SEMA3A: variants seen among roughly 807,000 people sequenced by gnomAD.
SEMA3A encodes semaphorin 3A.
In SEMA3A, 29 loss-of-function variants were observed where a neutral mutation model predicts 97.9. The observed-to-expected ratio is 0.30, with a 90% CI of 0.22 to 0.40. The LOEUF is 0.40. SEMA3A is among the 10% of genes least tolerant of loss of function. The probability of loss-of-function intolerance (pLI) is 1.00; values close to 1 mark genes in which losing one functional copy is unlikely to be tolerated. For synonymous variants in SEMA3A, 321 were observed against 323.7 expected (o/e 0.99, Z 0.09); for missense variants, 763 against 951.3 (o/e 0.80, Z 2.60).
intron 3 of SEMA3A, among the ~76,000 whole-genome samples, chr7:84,251,454 C>A (rs1799607366): frequency 6.6e-6 from 1 of 152,144 alleles, no homozygotes; most frequent in Non-Finnish European, 1.5e-5. Flanking sequence ...CTAACTCCAG[C>A]ATAAGCAGCA....
intron 2 of SEMA3A, among the ~76,000 whole-genome samples, chr7:84,353,426 C>T (rs1222613780): frequency 6.6e-6 from 1 of 151,434 alleles, no homozygotes; most frequent in East Asian, 1.9e-4. Flanking sequence ...TTTAATGTTT[C>T]TCAGAATATC....
At chr7:84,348,273 G>T (rs1283800775) in intron 2 of SEMA3A, among the ~76,000 whole-genome samples, 1 of 152,088 alleles carries the variant, frequency 6.6e-6, no homozygotes, top group African/African-American at 2.4e-5. Context: ...TGTTTAAGTA[G>T]AAATAATATA....
At chr7:84,218,657 T>G (rs1222049088) in intron 3 of SEMA3A, among the ~76,000 whole-genome samples, 1 of 152,142 alleles carries the variant, frequency 6.6e-6, no homozygotes, top group East Asian at 1.9e-4. Flanking sequence ...TGACATTTTT[T>G]CTTAAAAATA....
chr7:84,094,957 T>C (rs1304583176), intron 4 of SEMA3A, among the ~76,000 whole-genome samples: 3 of 151,696 alleles, frequency 2.0e-5, no homozygotes, highest in African/African-American at 7.3e-5. Context: ...CAGTCTAACA[T>C]TAATTATATT....
chr7:84,231,088 C>T (rs184224120), intron 3 of SEMA3A, among the ~76,000 whole-genome samples: 1 of 152,054 alleles, frequency 6.6e-6, no homozygotes, highest in African/African-American at 2.4e-5. Flanking sequence ...TGCTTCTTCC[C>T]TGGGGTGATT....
chr7:84,317,026 A>ATTAG (rs1801522552), intron 2 of SEMA3A, among the ~76,000 whole-genome samples: 2 of 152,222 alleles, frequency 1.3e-5, no homozygotes, highest in African/African-American at 4.8e-5. Context: ...ACCCATCATC[A>ATTAG]TAATAGGGCA....
chr7:84,056,917 C>A lies in SEMA3A; in HGVS notation c.547+3548G>T, dbSNP rs549060001. On this transcript the variant is annotated intron_variant, in intron 5 of 16. Transcript: ENST00000265362. ...CATATATTAAAGAATTACACAAGCA[C>A]CGAAAATAATAGTATGCTATTACAT... Among the ~76,000 whole-genome samples the A allele has an allele frequency of 7.2e-5, 11 of 152,272 alleles. No homozygotes were observed. The South Asian group carries it at 2.3e-3, about 32-fold the overall frequency.
At chr7:84,255,550 T>A (rs1799698942) in intron 3 of SEMA3A, among the ~76,000 whole-genome samples, 1 of 152,114 alleles carries the variant, frequency 6.6e-6, no homozygotes, top group Admixed American at 6.6e-5. Context: ...AAATGGATAG[T>A]CTTTGGTGAG....
chr7:84,222,151 T>A (rs983314823), intron 3 of SEMA3A, among the ~76,000 whole-genome samples: 1 of 151,974 alleles, frequency 6.6e-6, no homozygotes, highest in Non-Finnish European at 1.5e-5. Flanking sequence ...TTTTCATTGA[T>A]TATCATCTTG....
intron 2 of SEMA3A, among the ~76,000 whole-genome samples, chr7:84,131,278 C>T (rs1037860678): frequency 1.3e-5 from 2 of 151,958 alleles, no homozygotes; most frequent in African/African-American, 4.8e-5. Flanking sequence ...AGAGTAATTA[C>T]TAATGTTTTG....
At chr7:84,135,449 G>T (rs1796097536) in intron 1 of SEMA3A, among the ~76,000 whole-genome samples, 1 of 151,896 alleles carries the variant, frequency 6.6e-6, no homozygotes. Flanking sequence ...CCTATTTGCT[G>T]GTTTCATACT....
rs796521993 is a variant in SEMA3A at position 83,960,003 on chromosome 7, T to A, written c.*1368A>T. 4 of 152,168 alleles carry A rather than the reference T, an allele frequency of 2.6e-5. No individual in the cohort carries two copies. Among genetic ancestry groups the A allele is most frequent in the African/African-American group, 9.6e-5 (4 of 41,562 alleles). 9.4% of individuals were successfully genotyped at this position (152,168 alleles called of 1,614,324 possible). The stretch of plus-strand genomic sequence containing the variant: ...GGAAAATACTTTGTAGAAAAGTCCC[T>A]CCCATTGATATGAAAAGAGTCATGT... On this transcript the variant is annotated 3_prime_UTR_variant, in exon 17 of 17. Transcript: ENST00000265362.
At chr7:84,325,411 G>A (rs1801751914) in intron 2 of SEMA3A, among the ~76,000 whole-genome samples, 1 of 152,056 alleles carries the variant, frequency 6.6e-6, no homozygotes, top group Non-Finnish European at 1.5e-5. Context: ...CTCTGGAAAG[G>A]TCACATTTGA....
intron 4 of SEMA3A, among the ~76,000 whole-genome samples, chr7:84,091,965 G>T (rs545472814): frequency 4.8e-4 from 73 of 151,894 alleles, no homozygotes; most frequent in Admixed American, 9.9e-4. Context: ...TTTTATATAA[G>T]TCTACACACT....
chr7:84,091,159 G>A (rs946404279), intron 4 of SEMA3A, among the ~76,000 whole-genome samples: 299 of 25,036 alleles, frequency 0.012, no homozygotes, highest in African/African-American at 0.038. Flanking sequence ...AAGGAAGGAA[G>A]GAAGGAAGGA....
intron 1 of SEMA3A, among the ~76,000 whole-genome samples, chr7:84,166,476 CA>C (rs1797209155): frequency 6.6e-6 from 1 of 150,698 alleles, no homozygotes; most frequent in Non-Finnish European, 1.5e-5. Context: ...GAGCCTAAGG[CA>C]GGAGAATTGC....
chr7:84,480,019 A>G (rs1322412784), intron 1 of SEMA3A, among the ~76,000 whole-genome samples: 1 of 152,228 alleles, frequency 6.6e-6, no homozygotes, highest in Non-Finnish European at 1.5e-5. Context: ...AGTATCCAGC[A>G]GTTATTTAAG....
intron 6 of SEMA3A, among the ~76,000 whole-genome samples, chr7:84,014,886 C>T (rs1315839365): frequency 6.6e-6 from 1 of 152,056 alleles, no homozygotes; most frequent in Admixed American, 6.6e-5. Context: ...CCCTGGCCAC[C>T]CTTGAATTCT....
intron 1 of SEMA3A, among the ~76,000 whole-genome samples, chr7:84,432,021 A>C (rs1261663953): frequency 1.3e-5 from 2 of 152,054 alleles, no homozygotes; most frequent in African/African-American, 4.8e-5. Flanking sequence ...CACATAGGCA[A>C]AGAAGGGAGA....
Sources: gnomAD v4.1 joint callset for allele counts (sites outside exome capture counted in the v4.1 genomes callset) on GRCh38, gnomAD v4.1.1 for gene constraint, MANE v1.5 for transcripts, NCBI Gene and HGNC (gene_info 2026-07-23, HGNC 2026-07-21) for gene names.